The following HECW1 variants were observed in gnomAD, a reference collection of about 807,000 sequenced individuals.
HECW1 encodes the protein HECT, C2 and WW domain containing E3 ubiquitin protein ligase 1, also known as E3 ubiquitin-protein ligase HECW1.
A neutral mutation model predicts 182.3 loss-of-function variants in HECW1; 61 were observed. The observed-to-expected ratio is 0.33, with a 90% CI of 0.27 to 0.41. The LOEUF (loss-of-function observed/expected upper bound fraction) is 0.41, where lower values mean the gene tolerates loss of function less well. Among genes scored for constraint, HECW1 ranks in the 10% least tolerant of loss-of-function variants. The probability of loss-of-function intolerance (pLI) is 1.00; values close to 1 mark genes in which losing one functional copy is unlikely to be tolerated. For missense variants in HECW1, 1,739 were observed against 2,108.9 expected, an observed-to-expected ratio of 0.82 and a Z score of 3.44; for synonymous variants, 859 against 832.6, an observed-to-expected ratio of 1.03 and a Z score of -0.55.
At chr7:43,395,714 C>CAGATTG (rs2075205983) in intron 6 of HECW1, among the ~76,000 whole-genome samples, 4 of 152,182 alleles carry the variant, frequency 2.6e-5, no homozygotes, top group Non-Finnish European at 5.9e-5. Context: ...GCCAAGCTCA[C>CAGATTG]AGGCTCACCA....
chr7:43,205,330 G>A (rs765793670), intron 2 of HECW1, among the ~76,000 whole-genome samples: 9 of 152,124 alleles, frequency 5.9e-5, no homozygotes, highest in South Asian at 2.1e-4. Context: ...TGATCGGCCC[G>A]CCTTGGCCTC....
chr7:43,155,174 A>G (rs983053604), intron 2 of HECW1, among the ~76,000 whole-genome samples: 2 of 152,242 alleles, frequency 1.3e-5, no homozygotes, highest in Non-Finnish European at 2.9e-5. Context: ...CTACCAAGTG[A>G]GACCACATAT....
chr7:43,460,381 A>G (rs924065220), intron 13 of HECW1, among the ~76,000 whole-genome samples: 1 of 152,168 alleles, frequency 6.6e-6, no homozygotes, highest in African/African-American at 2.4e-5. Context: ...CTTGTTTTCC[A>G]TAAGCTTTTC....
At chr7:43,180,310 CA>C (rs1289627064) in intron 2 of HECW1, among the ~76,000 whole-genome samples, 1 of 152,108 alleles carries the variant, frequency 6.6e-6, no homozygotes, top group Non-Finnish European at 1.5e-5. Flanking sequence ...GGAGGGTGCA[CA>C]AAAAACTTCA....
chr7:43,271,557 A>C (rs1487534442), intron 3 of HECW1, among the ~76,000 whole-genome samples: 1 of 152,214 alleles, frequency 6.6e-6, no homozygotes, highest in Non-Finnish European at 1.5e-5. Context: ...ATTTCTATAC[A>C]TGTTCAAACT....
intron 3 of HECW1, among the ~76,000 whole-genome samples, chr7:43,299,002 G>T (rs1806391715): frequency 6.6e-6 from 1 of 152,226 alleles, no homozygotes; most frequent in African/African-American, 2.4e-5. Context: ...CCAGATCATT[G>T]AGACTTCTGA....
intron 2 of HECW1, among the ~76,000 whole-genome samples, chr7:43,217,514 G>A (rs1228551404): frequency 6.6e-6 from 1 of 152,096 alleles, no homozygotes. Flanking sequence ...GATGAATTGG[G>A]GTACCCTCGA....
intron 9 of HECW1, among the ~76,000 whole-genome samples, chr7:43,442,005 A>T (rs1489308040): frequency 6.6e-6 from 1 of 152,192 alleles, no homozygotes. Context: ...TTGAATTTTG[A>T]TCTTTTCCTT....
At chr7:43,434,368 C>T (rs1415603352) in intron 8 of HECW1, among the ~76,000 whole-genome samples, 6 of 152,200 alleles carry the variant, frequency 3.9e-5, no homozygotes, top group Admixed American at 2.6e-4. Context: ...TCTAACATGG[C>T]GTGGGCCTTC....
intron 5 of HECW1, among the ~76,000 whole-genome samples, chr7:43,322,156 G>A (rs554080364): frequency 4.9e-4 from 74 of 152,188 alleles, no homozygotes; most frequent in Non-Finnish European, 7.9e-4. Flanking sequence ...TGCAACCTCC[G>A]CCTCCCGGGT....
At chr7:43,138,897 T>C (rs901098582) in intron 2 of HECW1, among the ~76,000 whole-genome samples, 5 of 152,174 alleles carry the variant, frequency 3.3e-5, no homozygotes, top group Admixed American at 6.5e-5. Flanking sequence ...CTGCAGGACT[T>C]CTCAAGGCCT....
rs757611736 is a variant in HECW1, at chr7:43,445,451, C to G, written c.2279C>G (p.Pro760Arg). Residue 760 changes from proline to arginine, a missense_variant, in exon 11 of 30, where the codon CCG becomes CGG. Transcript: ENST00000395891. ...PDSMQSPELD[P>R]ESTNGAGPWQ... ...TCCATGCAGAGCCCTGAGCTGGACC[C>G]GGAGTCCACGAACGGCGCTGGGCCG... 2.0e-5 allele frequency: 33 copies of G among 1,612,966 alleles called. No individual in the cohort carries two copies. In the Middle Eastern group the frequency reaches 2.1e-3, roughly 104 times the overall value.
intron 24 of HECW1, among the ~76,000 whole-genome samples, chr7:43,521,803 G>A (rs1180391954): frequency 6.6e-6 from 1 of 152,216 alleles, no homozygotes; most frequent in Non-Finnish European, 1.5e-5. Flanking sequence ...TTGAACCTGG[G>A]AGGCAGAGGT....
chr7:43,258,073 C>A (rs1037486186), intron 3 of HECW1, among the ~76,000 whole-genome samples: 1 of 152,160 alleles, frequency 6.6e-6, no homozygotes. Context: ...GGCGTGGTGG[C>A]TCACGCCTGT....
intron 2 of HECW1, among the ~76,000 whole-genome samples, chr7:43,173,642 C>G (rs1377229380): frequency 6.6e-6 from 1 of 152,154 alleles, no homozygotes; most frequent in African/African-American, 2.4e-5. Flanking sequence ...CTATGAGAGT[C>G]TAATGCAGCC....
intron 28 of HECW1, among the ~76,000 whole-genome samples, chr7:43,552,810 G>T (rs1234073868): frequency 6.6e-6 from 1 of 152,038 alleles, no homozygotes; most frequent in East Asian, 1.9e-4. Flanking sequence ...ATCACTTTTT[G>T]AAGACTACAA....
At chr7:43,448,866 C>T (rs11764255) in intron 11 of HECW1, among the ~76,000 whole-genome samples, 3 of 152,080 alleles carry the variant, frequency 2.0e-5, no homozygotes, top group Non-Finnish European at 1.5e-5. Flanking sequence ...GAGGTTCTGG[C>T]GGGTTTCAAC....
intron 10 of HECW1, 143 bp downstream of exon 10, chr7:43,442,772 G>A (rs1048009109): frequency 6.3e-6 from 4 of 637,474 alleles, no homozygotes; most frequent in Non-Finnish European, 1.1e-5. Flanking sequence ...CCAGAAGCCA[G>A]TGATCTATTC....
At chr7:43,456,675 ACTT>A in intron 13 of HECW1, among the ~76,000 whole-genome samples, 1 of 152,318 alleles carries the variant, frequency 6.6e-6, no homozygotes, top group African/African-American at 2.4e-5. Flanking sequence ...AATCGTCTAA[ACTT>A]CTTAATAGCC....
Sources: gnomAD v4.1 joint callset for allele counts (sites outside exome capture counted in the v4.1 genomes callset) on GRCh38, gnomAD v4.1.1 for gene constraint, MANE v1.5 for transcripts, NCBI Gene and HGNC (gene_info 2026-07-23, HGNC 2026-07-21) for gene names.